SDSL: variants seen among roughly 807,000 people sequenced by gnomAD.
SDSL encodes serine dehydratase like.
A neutral mutation model predicts 27.6 loss-of-function variants in SDSL; 26 were observed. The ratio of observed to expected loss-of-function variants is 0.94; its 90% CI spans 0.69 to 1.31. The LOEUF is 1.31. Among genes scored for constraint, SDSL ranks in the 50% most tolerant of loss-of-function variants. The pLI is 0.00. For synonymous variants in SDSL, 196 were observed against 180.6 expected, an observed-to-expected ratio of 1.09 and a Z score of -0.69; for missense variants, 431 against 423.5, an observed-to-expected ratio of 1.02 and a Z score of -0.16.
At chr12:113,425,587 G>A (rs1957837415) in intron 1 of SDSL, 1 of 450,040 alleles carries the variant, frequency 2.2e-6, no homozygotes, top group Non-Finnish European at 4.5e-6. Context: ...AAGAGGAGCT[G>A]GCTGTATTTT....
chr12:113,422,396 G>A lies in SDSL; in HGVS notation c.-103G>A, dbSNP rs778124436. 9.8e-5 allele frequency: 15 copies of A among 153,730 alleles called. No homozygotes were observed. The highest frequency in any genetic ancestry group is 4.1e-4 in the South Asian group (2 of 4,852). The allele number at this position is 153,730 out of a possible 1,614,324, so 9.5% of individuals were successfully genotyped here. A position where few individuals can be genotyped will look rare whatever the true frequency, so the allele number is the denominator to read the frequency against. On this transcript the variant is annotated 5_prime_UTR_variant, in exon 1 of 8. Coordinates refer to ENST00000403593, the MANE Select transcript of SDSL (RefSeq NM_001304993.2). ...AAGCTGCCTGAAGCTGGACAGAGCC[G>A]GTTCCTGGAAAGAGCTGGTTCCCTG... is the stretch of plus-strand genomic sequence containing the variant.
In SDSL at chr12:113,438,126, T is replaced by G; in HGVS notation, c.*47T>G. 6.6e-7 allele frequency: 1 copy of G among 1,504,386 alleles called. No individual in the cohort carries two copies. The highest frequency in any genetic ancestry group is 9.1e-7 in the Non-Finnish European group (1 of 1,102,878). 93.2% of individuals were successfully genotyped at this position (1,504,386 alleles called of 1,614,324 possible). On this transcript the variant is annotated 3_prime_UTR_variant, in exon 8 of 8. Coordinates refer to ENST00000403593, the MANE Select transcript of SDSL (RefSeq NM_001304993.2). Reference sequence around the variant, plus strand: ...AGACCCCTGAGAGGCCCATGGACAGTCCTGTGTCTGGATGAGGAGGACTCA... The same window carrying G: ...AGACCCCTGAGAGGCCCATGGACAGGCCTGTGTCTGGATGAGGAGGACTCA...
chr12:113,432,989 A>G (rs531147127), intron 4 of SDSL, among the ~76,000 whole-genome samples: 14 of 152,288 alleles, frequency 9.2e-5, no homozygotes, highest in African/African-American at 3.4e-4. Context: ...ACAAATGCAG[A>G]TCTTTTTGGT....
At chr12:113,423,176 G>C (rs1957811275) in intron 1 of SDSL, among the ~76,000 whole-genome samples, 1 of 152,200 alleles carries the variant, frequency 6.6e-6, no homozygotes, top group South Asian at 2.1e-4. Flanking sequence ...TAACCAAGAG[G>C]GCTGGGGAAG....
intron 2 of SDSL, 79 bp from the exon 3 acceptor site, chr12:113,428,341 G>A (rs1458045835): frequency 8.9e-6 from 13 of 1,454,736 alleles, no homozygotes; most frequent in African/African-American, 1.4e-5. Flanking sequence ...GTGGGATGGG[G>A]AGACTCTAAC....
intron 1 of SDSL, among the ~76,000 whole-genome samples, chr12:113,424,395 G>A (rs1012880720): frequency 6.6e-6 from 1 of 152,178 alleles, no homozygotes; most frequent in East Asian, 1.9e-4. Context: ...AGGTCCCCTT[G>A]TTCTTCTCTT....
chr12:113,432,260 CTTTCTT>C (rs1193929623), intron 4 of SDSL, among the ~76,000 whole-genome samples: 5 of 137,584 alleles, frequency 3.6e-5, no homozygotes, highest in African/African-American at 1.2e-4. Flanking sequence ...TTCTTTCTTT[CTTTCTT>C]TCTTTCTTTC....
chr12:113,425,149 C>G (rs1457158003), intron 1 of SDSL, among the ~76,000 whole-genome samples: 1 of 152,202 alleles, frequency 6.6e-6, no homozygotes, highest in African/African-American at 2.4e-5. Flanking sequence ...TTGGGTCACA[C>G]AGCCAGGAAG....
In SDSL at chr12:113,437,988, C is replaced by T. The variant is rs1261429891; in HGVS notation, c.899C>T (p.Ser300Phe). ...RLQAEGCLPPSLTSVVVIVCG... is the reference protein window; with the variant it reads ...RLQAEGCLPPFLTSVVVIVCG... Reference sequence around the variant, plus strand: ...CAGGCCGAGGGCTGCCTGCCCCCTTCCCTGACTTCAGTTGTGGTAATCGTG... The same window carrying T: ...CAGGCCGAGGGCTGCCTGCCCCCTTTCCTGACTTCAGTTGTGGTAATCGTG... The change falls in exon 8 of 8, where the codon TCC (serine) becomes TTC (phenylalanine). Residue 300 changes from serine to phenylalanine, a missense_variant. Transcript: ENST00000403593. 6.2e-6 allele frequency: 10 copies of T among 1,614,072 alleles called. No homozygotes were observed. Among genetic ancestry groups the T allele is most frequent in the Non-Finnish European group, 5.9e-6 (7 of 1,180,008 alleles).
intron 1 of SDSL, chr12:113,426,088 G>T (rs965328586): frequency 6.8e-6 from 3 of 440,664 alleles, no homozygotes; most frequent in African/African-American, 4.0e-5. Flanking sequence ...ACTCCTCTCC[G>T]TGGGCGGGAA....
At chr12:113,425,757 C>T in intron 1 of SDSL, 5 of 455,482 alleles carry the variant, frequency 1.1e-5, no homozygotes, top group Non-Finnish European at 1.8e-5. Flanking sequence ...CTTCGGGAGG[C>T]CGAGGTGGGC....
At chr12:113,427,228 CCTTCTGAGTAG>C (rs1957860868) in intron 1 of SDSL, 1 of 152,366 alleles carries the variant, frequency 6.6e-6, no homozygotes, top group African/African-American at 2.4e-5. Context: ...CCTGCCTCAG[CCTTCTGAGTAG>C]CTGGAATTAC....
chr12:113,435,411 G>T lies in SDSL; in HGVS notation c.526G>T (p.Gly176Trp), dbSNP rs1321420785. The T allele has an allele frequency of 1.2e-6, 2 of 1,612,538 alleles. No homozygotes were observed. The highest frequency in any genetic ancestry group is 4.5e-5 in the East Asian group (2 of 44,834). The change falls in exon 6 of 8, where the codon GGG (glycine) becomes TGG (tryptophan). Residue 176 changes from glycine (G) to tryptophan (W), a missense_variant. Physicochemically the swap from Gly to Trp is radical, Grantham distance 184. Transcript: ENST00000403593. ...TGCCCTGGTGCTGGCAGTTGGGGGT[G>T]GGGGTCTCCTGGCCGGGGTGGTGGC... The part of the protein sequence containing the change: ...PGALVLAVGG[G>W]GLLAGVVAGL...
intron 3 of SDSL, 77 bp downstream of exon 3, chr12:113,428,536 G>A: frequency 1.5e-6 from 2 of 1,368,150 alleles, no homozygotes; most frequent in East Asian, 2.3e-5. Context: ...ACACATCCAG[G>A]GTTGGTCTCC....
chr12:113,434,384 T>C (rs1957965925), intron 5 of SDSL, among the ~76,000 whole-genome samples, 162 bp downstream of exon 5: 1 of 152,222 alleles, frequency 6.6e-6, no homozygotes, highest in Non-Finnish European at 1.5e-5. Flanking sequence ...CCCTTGTGAA[T>C]TGTGGGACTT....
Position 113,435,390 on chromosome 12 carries a change from C to G in SDSL, c.505C>G (p.Leu169Val), listed in dbSNP as rs749320302. 3.7e-6 allele frequency: 6 copies of G among 1,608,468 alleles called. No homozygotes were observed. Among genetic ancestry groups the G allele is most frequent in the Non-Finnish European group, 5.1e-6 (6 of 1,177,638 alleles). The change falls in exon 6 of 8, where the codon CTG becomes GTG. Residue 169 changes from leucine (L) to valine (V), a missense_variant. Leu to Val is a conservative substitution (Grantham distance 32). Coordinates refer to ENST00000403593, the MANE Select transcript of SDSL (RefSeq NM_001304993.2). ...KAVLRTPPGA[L>V]VLAVGGGGLL... ...AGTGCTGAGGACCCCACCAGGTGCC[C>G]TGGTGCTGGCAGTTGGGGGTGGGGG...
chr12:113,432,252 CTT>C (rs1177923104), intron 4 of SDSL, among the ~76,000 whole-genome samples: 2 of 140,576 alleles, frequency 1.4e-5, no homozygotes, highest in African/African-American at 5.6e-5. Flanking sequence ...TTCTTTCTTT[CTT>C]TCTTTCTTTC....
intron 1 of SDSL, among the ~76,000 whole-genome samples, chr12:113,423,754 C>CA (rs1957817269): frequency 1.3e-5 from 2 of 151,790 alleles, no homozygotes; most frequent in South Asian, 2.1e-4. Context: ...AAACAAACAC[C>CA]AAAAAAACAA....
intron 1 of SDSL, chr12:113,426,345 G>C: frequency 2.3e-6 from 1 of 425,602 alleles, no homozygotes; most frequent in Non-Finnish European, 4.8e-6. Context: ...CAAAATGCAC[G>C]GATCTGATTT....
Sources: allele counts gnomAD v4.1 joint callset (sites outside exome capture counted in the v4.1 genomes callset), GRCh38; gene constraint gnomAD v4.1.1; transcripts MANE v1.5; gene names NCBI Gene and HGNC (gene_info 2026-07-23, HGNC 2026-07-21).